Variants in SLC39A13 observed in about 807,000 individuals in gnomAD.
SLC39A13 encodes the protein solute carrier family 39 member 13.
SLC39A13 carries 18 observed loss-of-function variants against 38.7 expected under a neutral mutation model. That is an observed-to-expected ratio of 0.47 (90% CI 0.32 to 0.69). The LOEUF (loss-of-function observed/expected upper bound fraction) is 0.69. Among genes scored for constraint, SLC39A13 ranks in the 30% least tolerant of loss-of-function variants. The pLI is 0.03. For synonymous variants in SLC39A13, 212 were observed against 219.1 expected, an observed-to-expected ratio of 0.97 and a Z score of 0.29; for missense variants, 395 against 490.7, an observed-to-expected ratio of 0.80 and a Z score of 1.84.
chr11:47,415,486 A>T lies in SLC39A13; in HGVS notation c.*123A>T. The T allele has an allele frequency of 3.7e-6, 4 of 1,090,522 alleles. No individual in the cohort carries two copies. Among genetic ancestry groups the T allele is most frequent in the Non-Finnish European group, 5.5e-6 (4 of 722,820 alleles). 67.6% of individuals were successfully genotyped at this position (1,090,522 alleles called of 1,614,324 possible). A position where few individuals can be genotyped will look rare whatever the true frequency, so the allele number is the denominator to read the frequency against. On this transcript the variant is annotated 3_prime_UTR_variant, in exon 10 of 10. Transcript: ENST00000362021. Reference sequence around the variant, plus strand: ...CGAGAGAGAATGAGCCTCCCGCCAGACAGGAGGGAGGTGCGTGTGGATGTA... The same window carrying T: ...CGAGAGAGAATGAGCCTCCCGCCAGTCAGGAGGGAGGTGCGTGTGGATGTA...
In SLC39A13 at chr11:47,413,412, G is replaced by A; in HGVS notation, c.550G>A (p.Asp184Asn). The A allele has an allele frequency of 6.2e-7, 1 of 1,614,126 alleles. No individual in the cohort carries two copies. The highest frequency in any genetic ancestry group is 1.1e-5 in the South Asian group (1 of 91,080). Residue 184 changes from aspartate to asparagine, a missense_variant, in exon 5 of 10, where the codon GAC (aspartate) becomes AAC (asparagine). Asp to Asn is a conservative substitution (Grantham distance 23). Coordinates refer to ENST00000362021, the MANE Select transcript of SLC39A13 (RefSeq NM_001128225.3). ...CTCCTGGCCCTAGGCCCCCAACAAA[G>A]ACCCCACTGCTGCTGCCGCCGCGCT... ...EEGTSQAPNK[D>N]PTAAAAALNG...
upstream of SLC39A13, among the ~76,000 whole-genome samples, chr11:47,407,816 T>G (rs191110963): frequency 6.6e-6 from 1 of 152,318 alleles, no homozygotes; most frequent in African/African-American, 2.4e-5. Context: ...AGGTGGTCAG[T>G]AAATTGCGGT....
In SLC39A13 at chr11:47,415,568, T is replaced by A. The variant is rs1326853924; in HGVS notation, c.*205T>A. 3 of 674,744 alleles carry A rather than the reference T, an allele frequency of 4.4e-6. No individual in the cohort carries two copies. Among genetic ancestry groups the A allele is most frequent in the Non-Finnish European group, 8.0e-6 (3 of 376,492 alleles). The allele number at this position is 674,744 out of a possible 1,614,324, so 41.8% of individuals were successfully genotyped here. A position where few individuals can be genotyped will look rare whatever the true frequency, so the allele number is the denominator to read the frequency against. ...CGCGAGACCGACACTGTGATCCCTGTGCTGGGTCCGGGGCCCAGTGTAGCG... is the reference window on the plus strand; with the variant it reads ...CGCGAGACCGACACTGTGATCCCTGAGCTGGGTCCGGGGCCCAGTGTAGCG... On this transcript the variant is annotated 3_prime_UTR_variant, in exon 10 of 10. Coordinates refer to ENST00000362021, the MANE Select transcript of SLC39A13 (RefSeq NM_001128225.3).
chr11:47,410,416 GC>G (rs1238540722), intron 2 of SLC39A13, 21 bp downstream of exon 2: 2 of 1,612,822 alleles, frequency 1.2e-6, no homozygotes, highest in Non-Finnish European at 1.7e-6. Context: ...CTCCGGTGGC[GC>G]CCAGGGCTGG....
upstream of SLC39A13, among the ~76,000 whole-genome samples, chr11:47,408,309 G>C (rs2095979437): frequency 6.6e-6 from 1 of 152,116 alleles, no homozygotes; most frequent in Admixed American, 6.5e-5. Flanking sequence ...GGTCCCCGCA[G>C]AGCCGCCGCT....
chr11:47,415,631 G>A lies in SLC39A13; in HGVS notation c.*268G>A, dbSNP rs1180119517. The A allele has an allele frequency of 1.5e-5, 9 of 584,902 alleles. No individual in the cohort carries two copies. Among genetic ancestry groups the A allele is most frequent in the South Asian group, 3.7e-5 (2 of 54,522 alleles). The allele number at this position is 584,902 out of a possible 1,614,324, so 36.2% of individuals were successfully genotyped here. ...CATGCTGTGGTTACCTCTCCTTGCC[G>A]CCCTGTCACCTTCACCTCCCGGAGT... On this transcript the variant is annotated 3_prime_UTR_variant, in exon 10 of 10. Coordinates refer to ENST00000362021, the MANE Select transcript of SLC39A13 (RefSeq NM_001128225.3).
At chr11:47,415,229 C>T in intron 9 of SLC39A13, 59 bp from the exon 10 acceptor site, 1 of 1,613,424 alleles carries the variant, frequency 6.2e-7, no homozygotes, top group Non-Finnish European at 8.5e-7. Context: ...GGAAGGGCTC[C>T]TGGCCGCTGC....
upstream of SLC39A13, chr11:47,408,572 C>T (rs1411304406): frequency 1.4e-5 from 2 of 146,648 alleles, no homozygotes; most frequent in Non-Finnish European, 3.0e-5. Flanking sequence ...GCCGGGCGGC[C>T]GGGCGGCCGG....
Position 47,413,428 on chromosome 11 carries a change from CCGCCG to C in SLC39A13, c.570_574del (p.Ala191GlnfsTer37), listed in dbSNP as rs1365255018. 6.2e-6 allele frequency: 10 copies of C among 1,614,012 alleles called. No homozygotes were observed. The highest frequency in any genetic ancestry group is 8.5e-6 in the Non-Finnish European group (10 of 1,179,966). On this transcript the variant is annotated frameshift_variant, in exon 5 of 10. Coordinates refer to ENST00000362021, the MANE Select transcript of SLC39A13 (RefSeq NM_001128225.3). LOFTEE classifies it high-confidence loss of function. The stretch of plus-strand genomic sequence containing the variant: ...CCCAACAAAGACCCCACTGCTGCTG[CCGCCG>C]CGCTCAATGGAGGCCACTGTCTGGC...
Position 47,410,277 on chromosome 11 carries a change from C to G in SLC39A13, c.183C>G (p.Ser61Arg). Reference sequence around the variant, plus strand: ...GCGAGTCCTGGGGGGCTCTGCTGAGCGGAGAGCGGCTGGACACCTGGATCT... The same window carrying G: ...GCGAGTCCTGGGGGGCTCTGCTGAGGGGAGAGCGGCTGGACACCTGGATCT... ...KESESWGALL[S>R]GERLDTWICS... Residue 61 changes from serine (S) to arginine (R), a missense_variant, in exon 2 of 10, where the codon AGC becomes AGG. Transcript: ENST00000362021. The G allele has an allele frequency of 6.2e-7, 1 of 1,614,124 alleles. No homozygotes were observed. The highest frequency in any genetic ancestry group is 8.5e-7 in the Non-Finnish European group (1 of 1,180,010).
At position 47,413,114 on chromosome 11, in the gene SLC39A13, C is replaced by G. The variant is rs2078681425; in HGVS notation, c.538-286C>G. Among the ~76,000 whole-genome samples, 2 of 152,076 alleles carry G rather than the reference C, an allele frequency of 1.3e-5. 1 individual carries two copies. Among genetic ancestry groups the G allele is most frequent in the South Asian group, 4.1e-4 (2 of 4,824 alleles). ...TCGGCTCACTACAGCTTTCACCTCCCAGGTTCAAGCAATTCTTCTGCCTCA... is the reference window on the plus strand; with the variant it reads ...TCGGCTCACTACAGCTTTCACCTCCGAGGTTCAAGCAATTCTTCTGCCTCA... On this transcript the variant is annotated intron_variant, in intron 4 of 9. Transcript: ENST00000362021.
In SLC39A13 at chr11:47,415,452, G is replaced by A. The variant is rs1019669585; in HGVS notation, c.*89G>A. ...CGCATATGTGAGAGGCAGAGAGGGC[G>A]AGTGGCTGCGAGAGAGAATGAGCCT... On this transcript the variant is annotated 3_prime_UTR_variant, in exon 10 of 10. Transcript: ENST00000362021. 2.3e-5 allele frequency: 33 copies of A among 1,435,952 alleles called. No homozygotes were observed. Among genetic ancestry groups the A allele is most frequent in the African/African-American group, 2.2e-4 (16 of 71,468 alleles). The allele number at this position is 1,435,952 out of a possible 1,614,324, so 89.0% of individuals were successfully genotyped here. A position where few individuals can be genotyped will look rare whatever the true frequency, so the allele number is the denominator to read the frequency against.
chr11:47,409,199 T>C (rs2095984670), intron 1 of SLC39A13: 1 of 152,322 alleles, frequency 6.6e-6, no homozygotes, highest in Non-Finnish European at 1.5e-5. Flanking sequence ...TTAAACCTCA[T>C]GCCCGAGTTT....
chr11:47,411,794 G>T (rs1441208728), intron 2 of SLC39A13, 132 bp from the exon 3 acceptor site: 3 of 821,356 alleles, frequency 3.7e-6, no homozygotes, highest in Non-Finnish European at 6.0e-6. Flanking sequence ...TGTGAGGTGG[G>T]GGACCCAGGA....
Position 47,411,912 on chromosome 11 carries a change from TCTC to T in SLC39A13, c.302-13_302-11del. On this transcript the variant is annotated splice_polypyrimidine_tract_variant and intron_variant, in intron 2 of 9. Coordinates refer to ENST00000362021, the MANE Select transcript of SLC39A13 (RefSeq NM_001128225.3). Reference sequence around the variant, plus strand: ...AGCCAGTCAGCCCCCAGACCCCGCATCTCTCCCTTGTAGCTGGGGCCTGGCGCC... The same window carrying T: ...AGCCAGTCAGCCCCCAGACCCCGCATTCCCTTGTAGCTGGGGCCTGGCGCC... 6.2e-7 allele frequency: 1 copy of T among 1,610,724 alleles called. No homozygotes were observed. The highest frequency in any genetic ancestry group is 8.5e-7 in the Non-Finnish European group (1 of 1,178,584).
chr11:47,413,995 C>T, intron 6 of SLC39A13: 2 of 674,594 alleles, frequency 3.0e-6, no homozygotes, highest in Non-Finnish European at 5.4e-6. Context: ...CCAGAGGCAG[C>T]CTACTCTGCA....
chr11:47,415,064 G>A lies in SLC39A13; in HGVS notation c.945G>A (p.Glu315=). 3 of 1,613,548 alleles carry A rather than the reference G, an allele frequency of 1.9e-6. No homozygotes were observed. The highest frequency in any genetic ancestry group is 1.3e-5 in the African/African-American group (1 of 75,038). ...GVVGCSPAAE[E]TAAWVLPFTS... is the part of the protein sequence containing the mutation. Reference sequence around the variant, plus strand: ...TTGGGTGTTCTCCCGCTGCAGAGGAGACGGCAGCCTGGGTCCTGCCCTTCA... The same window carrying A: ...TTGGGTGTTCTCCCGCTGCAGAGGAAACGGCAGCCTGGGTCCTGCCCTTCA... The change falls in exon 9 of 10, where the codon GAG becomes GAA. Residue 315 remains glutamate, a synonymous_variant. Coordinates refer to ENST00000362021, the MANE Select transcript of SLC39A13 (RefSeq NM_001128225.3).
Position 47,414,850 on chromosome 11 carries a change from C to T in SLC39A13, c.860C>T (p.Ala287Val). The T allele has an allele frequency of 1.2e-6, 2 of 1,612,564 alleles. No homozygotes were observed. The highest frequency in any genetic ancestry group is 1.7e-6 in the Non-Finnish European group (2 of 1,179,982). Residue 287 changes from alanine (A) to valine (V), a missense_variant, in exon 8 of 10, where the codon GCG (alanine) becomes GTG (valine). By Grantham distance (64) the Ala-to-Val change is moderately conservative. Coordinates refer to ENST00000362021, the MANE Select transcript of SLC39A13 (RefSeq NM_001128225.3). ...GCAGCCAAGCTGCAACTCTCAACAG[C>T]GCTGGGGGGCCTACTGGGCGCTGGC... is the stretch of plus-strand genomic sequence containing the variant. ...WSAAKLQLST[A>V]LGGLLGAGFA...
chr11:47,414,936 G>T (rs201930888), intron 8 of SLC39A13, 27 bp downstream of exon 8: 22 of 1,604,686 alleles, frequency 1.4e-5, no homozygotes, highest in Non-Finnish European at 1.8e-5. Context: ...TGGTTGTGGC[G>T]GGTGGCATCA....
Sources: gnomAD v4.1 joint callset for allele counts (sites outside exome capture counted in the v4.1 genomes callset) on GRCh38, gnomAD v4.1.1 for gene constraint, MANE v1.5 for transcripts, NCBI Gene and HGNC (gene_info 2026-07-23, HGNC 2026-07-21) for gene names.